RIMS1: variants seen among roughly 807,000 people sequenced by gnomAD.
RIMS1 encodes regulating synaptic membrane exocytosis protein 1.
In RIMS1, 83 loss-of-function variants were observed where a neutral mutation model predicts 214.1. The observed-to-expected ratio is 0.39, with a 90% CI of 0.32 to 0.47. The LOEUF is 0.47. RIMS1 is among the 20% of genes least tolerant of loss of function. The pLI is 0.99. For synonymous variants in RIMS1, 793 were observed against 786.8 expected (o/e 1.01, Z -0.13); for missense variants, 2,050 against 2,161.8 (o/e 0.95, Z 1.03).
intron 26 of RIMS1, among the ~76,000 whole-genome samples, chr6:72,301,026 T>C (rs1284169408): frequency 6.6e-6 from 1 of 151,834 alleles, no homozygotes; most frequent in Admixed American, 6.6e-5. Context: ...TTTTCACTTA[T>C]GTGTTACTCA....
chr6:72,260,649 A>G, intron 18 of RIMS1, 56 bp from the exon 19 acceptor site: 1 of 1,599,458 alleles, frequency 6.3e-7, no homozygotes, highest in Non-Finnish European at 8.5e-7. Flanking sequence ...TACCATTGGC[A>G]TAACCCATGT....
At chr6:72,388,278 G>A (rs1199119423) in intron 29 of RIMS1, among the ~76,000 whole-genome samples, 1 of 152,168 alleles carries the variant, frequency 6.6e-6, no homozygotes, top group Non-Finnish European at 1.5e-5. Flanking sequence ...AGTCAGAAGA[G>A]ACAAACAGAA....
chr6:72,283,256 A>G (rs1282899061), intron 23 of RIMS1, among the ~76,000 whole-genome samples: 2 of 152,084 alleles, frequency 1.3e-5, no homozygotes, highest in Non-Finnish European at 2.9e-5. Flanking sequence ...ACTTATTTCA[A>G]ATATATGGTA....
chr6:71,952,381 T>A (rs1177636253), intron 1 of RIMS1, among the ~76,000 whole-genome samples: 3 of 152,204 alleles, frequency 2.0e-5, no homozygotes, highest in Non-Finnish European at 2.9e-5. Flanking sequence ...TGCCAGACAA[T>A]TTTCTAGGAA....
chr6:71,933,717 C>CACACACACACACACA (rs1222092264), intron 1 of RIMS1, among the ~76,000 whole-genome samples: 1 of 149,300 alleles, frequency 6.7e-6, no homozygotes, highest in African/African-American at 2.5e-5. Flanking sequence ...CACACACACA[C>CACACACACACACACA]AAGTTGTATT....
chr6:72,037,221 T>G (rs1484894637), intron 2 of RIMS1, among the ~76,000 whole-genome samples: 2 of 151,700 alleles, frequency 1.3e-5, no homozygotes, highest in Non-Finnish European at 2.9e-5. Context: ...CGTGGGTGGG[T>G]GTTCAGGGAG....
intron 28 of RIMS1, among the ~76,000 whole-genome samples, chr6:72,331,257 G>A (rs2096649289): frequency 1.3e-5 from 2 of 151,632 alleles, no homozygotes; most frequent in Admixed American, 1.3e-4. Flanking sequence ...TATTAGAGAT[G>A]GAAATTTCAA....
chr6:71,918,546 G>A (rs1398796523), intron 1 of RIMS1, among the ~76,000 whole-genome samples: 2 of 152,204 alleles, frequency 1.3e-5, no homozygotes, highest in Non-Finnish European at 1.5e-5. Context: ...GAGTTTGGAT[G>A]TAGAGGGGAC....
At chr6:72,094,175 G>A (rs1220443712) in intron 2 of RIMS1, among the ~76,000 whole-genome samples, 1 of 152,004 alleles carries the variant, frequency 6.6e-6, no homozygotes, top group Non-Finnish European at 1.5e-5. Flanking sequence ...TTTCCATTCA[G>A]CAAATATGGG....
At position 72,182,417 on chromosome 6, in the gene RIMS1, A is replaced by T; in HGVS notation, c.946A>T (p.Ser316Cys). 6.2e-7 allele frequency: 1 copy of T among 1,613,970 alleles called. No individual in the cohort carries two copies. The highest frequency in any genetic ancestry group is 8.5e-7 in the Non-Finnish European group (1 of 1,179,876). The change falls in exon 6 of 34, where the codon AGC becomes TGC. Residue 316 changes from serine (S) to cysteine (C), a missense_variant. Ser to Cys is a moderately radical substitution (Grantham distance 112). Around this residue, in one of 6 missense-constraint regions of RIMS1, gnomAD observed 882 missense variants for 828.9 expected, o/e 1.06. Transcript: ENST00000521978. Reference sequence around the variant, plus strand: ...ACGGGAGCGCAAAGAAAGGCGGGAAAGCCGAAGGCTTGAGAAAGGGCGATC... The same window carrying T: ...ACGGGAGCGCAAAGAAAGGCGGGAATGCCGAAGGCTTGAGAAAGGGCGATC... ...EERERKERRESRRLEKGRSQD... is the reference protein window; with the variant it reads ...EERERKERRECRRLEKGRSQD...
intron 4 of RIMS1, among the ~76,000 whole-genome samples, chr6:72,175,941 T>C (rs531678282): frequency 2.6e-5 from 4 of 152,338 alleles, no homozygotes; most frequent in African/African-American, 7.2e-5. Context: ...AAATAGTTTA[T>C]TGTACTTCTT....
chr6:72,274,721 C>T (rs1453385755), intron 23 of RIMS1, among the ~76,000 whole-genome samples: 1 of 152,066 alleles, frequency 6.6e-6, no homozygotes. Context: ...AATTTAAATA[C>T]TGTTTTTGTT....
At chr6:72,058,181 C>T (rs1826868147) in intron 2 of RIMS1, among the ~76,000 whole-genome samples, 3 of 152,196 alleles carry the variant, frequency 2.0e-5, no homozygotes, top group African/African-American at 7.2e-5. Context: ...GACTTCACAG[C>T]GTGACTTTCT....
intron 4 of RIMS1, among the ~76,000 whole-genome samples, chr6:72,101,646 T>G (rs1325316336): frequency 1.3e-5 from 2 of 151,920 alleles, no homozygotes; most frequent in African/African-American, 4.8e-5. Context: ...AAAAGTAATC[T>G]TCATCTTGAT....
At chr6:71,947,751 T>G (rs184332886) in intron 1 of RIMS1, among the ~76,000 whole-genome samples, 31 of 152,278 alleles carry the variant, frequency 2.0e-4, no homozygotes, top group East Asian at 3.9e-4. Context: ...GTTTAGCCAC[T>G]GCATAGTGTA....
intron 1 of RIMS1, among the ~76,000 whole-genome samples, chr6:71,916,281 C>G (rs1448501198): frequency 1.3e-5 from 2 of 152,074 alleles, no homozygotes; most frequent in Non-Finnish European, 2.9e-5. Context: ...ACTCAATAGT[C>G]AAGTTGTTTC....
At chr6:72,130,558 G>T (rs1237006714) in intron 4 of RIMS1, among the ~76,000 whole-genome samples, 1 of 152,110 alleles carries the variant, frequency 6.6e-6, no homozygotes, top group Non-Finnish European at 1.5e-5. Context: ...TGTGCTGCTT[G>T]ATCCACTAAA....
At chr6:71,999,678 A>G (rs1804533980) in intron 2 of RIMS1, among the ~76,000 whole-genome samples, 1 of 152,130 alleles carries the variant, frequency 6.6e-6, no homozygotes, top group Admixed American at 6.6e-5. Context: ...ACCTTTAATA[A>G]TATTTAATGC....
At chr6:72,285,283 G>A (rs1218826239) in intron 24 of RIMS1, among the ~76,000 whole-genome samples, 1 of 152,200 alleles carries the variant, frequency 6.6e-6, no homozygotes, top group Non-Finnish European at 1.5e-5. Flanking sequence ...AAAGGATCTA[G>A]GGGTAGATGC....
Sources: gnomAD v4.1 joint callset for allele counts (sites outside exome capture counted in the v4.1 genomes callset) on GRCh38, gnomAD v4.1.1 for gene constraint, gnomAD v4.1.1 regional missense constraint, MANE v1.5 for transcripts, NCBI Gene and HGNC (gene_info 2026-07-23, HGNC 2026-07-21) for gene names.